Variants in BBS9 observed in about 807,000 individuals in gnomAD.
BBS9 encodes the protein Bardet-Biedl syndrome 9, also known as protein PTHB1.
Under a neutral mutation model 117.7 loss-of-function variants are expected in BBS9, and 89 were observed. The ratio of observed to expected loss-of-function variants is 0.76; its 90% CI spans 0.64 to 0.90. BBS9 has a LOEUF of 0.90. Ranked by LOEUF, BBS9 falls within the 40% of genes least tolerant of loss-of-function variation. BBS9 has a pLI of 0.00. For missense variants in BBS9, 982 were observed against 1,042.2 expected (o/e 0.94, Z 0.80); for synonymous variants, 379 against 370.9 (o/e 1.02, Z -0.25).
intron 19 of BBS9, among the ~76,000 whole-genome samples, chr7:33,481,469 GAATTA>G (rs1199209991): frequency 2.0e-5 from 3 of 152,076 alleles, no homozygotes; most frequent in Non-Finnish European, 4.4e-5. Context: ...TGATATTTCA[GAATTA>G]AATTATGTAA....
intron 18 of BBS9, among the ~76,000 whole-genome samples, chr7:33,386,059 G>A (rs373624234): frequency 7.2e-5 from 11 of 152,024 alleles, no homozygotes; most frequent in East Asian, 1.9e-4. Flanking sequence ...GCAGCGCACC[G>A]ACATGGCACA....
chr7:33,232,653 A>C lies in BBS9; in HGVS notation c.443-24583A>C, dbSNP rs574815456. Among the ~76,000 whole-genome samples the C allele has an allele frequency of 1.6e-4, 24 of 152,262 alleles. No individual in the cohort carries two copies. In the South Asian group the frequency reaches 4.8e-3, roughly 30 times the overall value. On this transcript the variant is annotated intron_variant, in intron 5 of 22. Transcript: ENST00000242067. ...AGATAAAAAGGGTTGTTTATGAATG[A>C]ATTATCCATTTGTGAGATTAATACT...
intron 5 of BBS9, among the ~76,000 whole-genome samples, chr7:33,220,436 G>A (rs567310661): frequency 8.5e-5 from 13 of 152,292 alleles, no homozygotes; most frequent in Admixed American, 6.5e-4. Flanking sequence ...CAGTCGACCC[G>A]CACCTGAGAT....
intron 19 of BBS9, among the ~76,000 whole-genome samples, chr7:33,421,990 A>T (rs1832922990): frequency 6.6e-6 from 1 of 152,170 alleles, no homozygotes; most frequent in Non-Finnish European, 1.5e-5. Flanking sequence ...ACCACCCAGA[A>T]AATCATAGTT....
At chr7:33,266,932 A>G (rs974952611) in intron 7 of BBS9, among the ~76,000 whole-genome samples, 2 of 152,034 alleles carry the variant, frequency 1.3e-5, no homozygotes, top group African/African-American at 4.8e-5. Flanking sequence ...TTTAGTACAG[A>G]TGGGGTTTTG....
At chr7:33,181,214 G>A (rs1798058535) in intron 5 of BBS9, among the ~76,000 whole-genome samples, 1 of 152,164 alleles carries the variant, frequency 6.6e-6, no homozygotes, top group African/African-American at 2.4e-5. Flanking sequence ...AGTGCAAGAA[G>A]GGTGCAAGGA....
intron 5 of BBS9, among the ~76,000 whole-genome samples, chr7:33,225,254 G>A (rs778088461): frequency 4.6e-5 from 7 of 152,202 alleles, no homozygotes; most frequent in South Asian, 2.1e-4. Context: ...CTTGAATACC[G>A]TGGCATAATC....
Position 33,534,150 on chromosome 7 carries a change from C to T in BBS9, c.2495C>T (p.Ala832Val), listed in dbSNP as rs1056157062. The T allele has an allele frequency of 1.3e-5, 21 of 1,614,092 alleles. No individual in the cohort carries two copies. Among genetic ancestry groups the T allele is most frequent in the Non-Finnish European group, 1.8e-5 (21 of 1,180,040 alleles). ...GGRLCLSTDAAAPQTMVMPGG... is the reference protein window; with the variant it reads ...GGRLCLSTDAVAPQTMVMPGG... ...CGTCTCTGCCTAAGTACCGATGCAG[C>T]AGCCCCACAGACCATGGTCATGCCA... Residue 832 changes from alanine to valine, a missense_variant, in exon 21 of 23, where the codon GCA becomes GTA. By Grantham distance (64) the Ala-to-Val change is moderately conservative. Coordinates refer to ENST00000242067, the MANE Select transcript of BBS9 (RefSeq NM_198428.3).
chr7:33,177,624 C>A, intron 5 of BBS9, 33 bp downstream of exon 5: 2 of 1,374,600 alleles, frequency 1.5e-6, no homozygotes, highest in African/African-American at 1.4e-5. Flanking sequence ...TATGCTATTT[C>A]AAGTGACAGA....
intron 5 of BBS9, among the ~76,000 whole-genome samples, chr7:33,241,420 T>C (rs1194763775): frequency 1.3e-5 from 2 of 152,212 alleles, no homozygotes; most frequent in Non-Finnish European, 2.9e-5. Context: ...TTTATCCCAC[T>C]TGGGATTTAT....
Position 33,212,769 on chromosome 7 carries a change from C to T in BBS9, c.442+35178C>T, listed in dbSNP as rs750171511. On this transcript the variant is annotated intron_variant, in intron 5 of 22. Coordinates refer to ENST00000242067, the MANE Select transcript of BBS9 (RefSeq NM_198428.3). Reference sequence around the variant, plus strand: ...TGGTTTCTGCAGGCTGGTAGAGGTACGGCCTTGGTAGCCTTCGATAATATC... The same window carrying T: ...TGGTTTCTGCAGGCTGGTAGAGGTATGGCCTTGGTAGCCTTCGATAATATC... Among the ~76,000 whole-genome samples, 9 of 152,282 alleles carry T rather than the reference C, an allele frequency of 5.9e-5. No homozygotes were observed. The South Asian group carries it at 6.2e-4, about 11-fold the overall frequency.
At chr7:33,133,971 A>G (rs554332801) in intron 1 of BBS9, among the ~76,000 whole-genome samples, 1 of 152,292 alleles carries the variant, frequency 6.6e-6, no homozygotes, top group African/African-American at 2.4e-5. Context: ...GCTTATTACT[A>G]TCTGACTTCG....
rs745782155 is a variant in BBS9, at chr7:33,268,779, C to G, written c.703-4233C>G. On this transcript the variant is annotated intron_variant, in intron 7 of 22. Transcript: ENST00000242067. ...AATTGAAAGTATTTAGTGGCTGGAT[C>G]TCAGACTGTGGCCTCAGAAACATGA... is the stretch of plus-strand genomic sequence containing the variant. Among the ~76,000 whole-genome samples the G allele has an allele frequency of 2.0e-3, 302 of 152,270 alleles. 1 individual carries two copies. Among genetic ancestry groups the G allele is most frequent in the Non-Finnish European group, 2.6e-3 (178 of 68,028 alleles).
At chr7:33,623,495 A>AT (rs1039297469) in intron 21 of BBS9, among the ~76,000 whole-genome samples, 3 of 152,192 alleles carry the variant, frequency 2.0e-5, no homozygotes, top group Non-Finnish European at 4.4e-5. Context: ...GCACGTGCAC[A>AT]TAACCTATCA....
At chr7:33,165,132 T>G (rs1795460004) in intron 4 of BBS9, among the ~76,000 whole-genome samples, 4 of 152,208 alleles carry the variant, frequency 2.6e-5, no homozygotes, top group Admixed American at 1.3e-4. Context: ...AAAATTGTTT[T>G]CTTTAAGAAT....
At chr7:33,311,140 G>T (rs1336354273) in intron 9 of BBS9, among the ~76,000 whole-genome samples, 1 of 152,132 alleles carries the variant, frequency 6.6e-6, no homozygotes, top group Admixed American at 6.6e-5. Flanking sequence ...TCTAAGAAGA[G>T]GTGAGGAAGA....
chr7:33,328,050 T>A (rs1485781010), intron 9 of BBS9, among the ~76,000 whole-genome samples: 1 of 152,160 alleles, frequency 6.6e-6, no homozygotes, highest in South Asian at 2.1e-4. Flanking sequence ...TGGATGTACA[T>A]GTCTGGCTGG....
At chr7:33,384,845 T>C (rs1016399894) in intron 18 of BBS9, among the ~76,000 whole-genome samples, 3 of 152,064 alleles carry the variant, frequency 2.0e-5, no homozygotes, top group African/African-American at 4.8e-5. Flanking sequence ...AAAAGAAAAT[T>C]TCAGGTGTAT....
intron 19 of BBS9, among the ~76,000 whole-genome samples, chr7:33,466,565 T>C (rs1167157786): frequency 6.6e-6 from 1 of 152,240 alleles, no homozygotes; most frequent in African/African-American, 2.4e-5. Flanking sequence ...TCTTTATTCA[T>C]TCATCTGTCT....
Sources: gnomAD v4.1 joint callset for allele counts (sites outside exome capture counted in the v4.1 genomes callset) on GRCh38, gnomAD v4.1.1 for gene constraint, MANE v1.5 for transcripts, NCBI Gene and HGNC (gene_info 2026-07-23, HGNC 2026-07-21) for gene names.